The following CACNA1B variants were observed in gnomAD, a reference collection of about 807,000 sequenced individuals.
The protein encoded by CACNA1B is voltage-dependent N-type calcium channel subunit alpha-1B.
In CACNA1B, 70 loss-of-function variants were observed where a neutral mutation model predicts 247.2. The ratio of observed to expected loss-of-function variants is 0.28; its 90% CI spans 0.23 to 0.35. CACNA1B has a LOEUF of 0.35. Ranked by LOEUF, CACNA1B falls within the 10% of genes least tolerant of loss-of-function variation. The pLI, the probability that CACNA1B is intolerant of heterozygous loss-of-function variation, is 1.00. For missense variants in CACNA1B, 2,367 were observed against 3,197.4 expected, an observed-to-expected ratio of 0.74 and a Z score of 6.26; for synonymous variants, 1,231 against 1,294.4, an observed-to-expected ratio of 0.95 and a Z score of 1.05.
In CACNA1B at chr9:137,881,629, A is replaced by G. The variant is rs1367079011; in HGVS notation, c.391-1115A>G. Among the ~76,000 whole-genome samples the G allele has an allele frequency of 6.6e-6, 1 of 152,146 alleles. No homozygotes were observed. Among genetic ancestry groups the G allele is most frequent in the African/African-American group, 2.4e-5 (1 of 41,438 alleles). ...CGACACCCCCATGCCAACCCTGCAC[A>G]TGCAGCTCCCTCAGCCCAGCTTCCC... On this transcript the variant is annotated intron_variant, in intron 2 of 46. Coordinates refer to ENST00000371372, the MANE Select transcript of CACNA1B (RefSeq NM_000718.4). The surrounding 1 kb of genome is among the most constrained non-coding windows in gnomAD (Gnocchi z 4.3).
rs752643342 is a variant in CACNA1B, at chr9:138,102,257, G to A, written c.5223-454G>A. 1.1e-4 allele frequency among the ~76,000 whole-genome samples: 17 copies of A among 152,172 alleles called. No homozygotes were observed. The highest frequency in any genetic ancestry group is 2.2e-4 in the Non-Finnish European group (15 of 68,026). On this transcript the variant is annotated intron_variant, in intron 37 of 46. Coordinates refer to ENST00000371372, the MANE Select transcript of CACNA1B (RefSeq NM_000718.4). The surrounding 1 kb of genome is among the most constrained non-coding windows in gnomAD (Gnocchi z 5.4). Reference sequence around the variant, plus strand: ...CGTGAGGAAAGCTGATGTCTCTGCCGTGGTTCTCAGCCACTGCCTCATCTG... The same window carrying A: ...CGTGAGGAAAGCTGATGTCTCTGCCATGGTTCTCAGCCACTGCCTCATCTG...
chr9:138,068,755 A>T, intron 31 of CACNA1B: 1 of 434,606 alleles, frequency 2.3e-6, no homozygotes, highest in Non-Finnish European at 4.6e-6. Flanking sequence ...GAGAGGGCAC[A>T]AAGTGGAGGG....
rs1323748215 is a variant in CACNA1B at position 138,073,328 on chromosome 9, G to T, written c.4675-160G>T. Among the ~76,000 whole-genome samples the T allele has an allele frequency of 6.6e-6, 1 of 152,192 alleles. No individual in the cohort carries two copies. Among genetic ancestry groups the T allele is most frequent in the Non-Finnish European group, 1.5e-5 (1 of 68,030 alleles). On this transcript the variant is annotated intron_variant, in intron 32 of 46. Coordinates refer to ENST00000371372, the MANE Select transcript of CACNA1B (RefSeq NM_000718.4). The surrounding 1 kb of genome is among the most constrained non-coding windows in gnomAD (Gnocchi z 6.4). ...ACTTCTGGAAGATTTTCTGGTGGCC[G>T]ATTGCTGCTTAGACTGTGAAGCAGA...
chr9:138,023,891 G>T, intron 19 of CACNA1B, 80 bp downstream of exon 19: 3 of 729,430 alleles, frequency 4.1e-6, no homozygotes, highest in Non-Finnish European at 2.4e-6. Context: ...TGCGGCCATG[G>T]GGTCCACGGC....
intron 6 of CACNA1B, among the ~76,000 whole-genome samples, chr9:137,925,006 A>G (rs952546803): frequency 1.3e-5 from 2 of 152,226 alleles, no homozygotes; most frequent in Admixed American, 1.3e-4. Context: ...ATACTGGCAG[A>G]CATCCTTGTG....
rs1958418455 is a variant in CACNA1B, at chr9:137,990,393, TA to T, written c.1974+3540del. Among the ~76,000 whole-genome samples, 1 of 151,968 alleles carries T rather than the reference TA, an allele frequency of 6.6e-6. No homozygotes were observed. ...CACCCTGATGGCCGAAGACAAAGGTTATAATCTCCTGGGGGCTCTGTGGTCC... is the reference window on the plus strand; with the variant it reads ...CACCCTGATGGCCGAAGACAAAGGTTTAATCTCCTGGGGGCTCTGTGGTCC... On this transcript the variant is annotated intron_variant, in intron 15 of 46. Transcript: ENST00000371372. This position sits in a 1 kb window ranked among gnomAD's most constrained non-coding sequence, Gnocchi z 4.5.
chr9:138,034,573 T>C (rs1183077657), intron 20 of CACNA1B, among the ~76,000 whole-genome samples: 1 of 152,184 alleles, frequency 6.6e-6, no homozygotes, highest in East Asian at 1.9e-4. Flanking sequence ...GCTGGGTTTA[T>C]TGAGCCTTTA....
chr9:137,988,274 C>T (rs751230139), intron 15 of CACNA1B, among the ~76,000 whole-genome samples: 1 of 152,140 alleles, frequency 6.6e-6, no homozygotes, highest in Non-Finnish European at 1.5e-5. Context: ...AGCAAAGCAG[C>T]AAAAACGTGA....
chr9:137,971,338 G>A lies in CACNA1B; in HGVS notation c.1334-45G>A, dbSNP rs1430822836. 1 of 1,425,608 alleles carries A rather than the reference G, an allele frequency of 7.0e-7. No homozygotes were observed. The highest frequency in any genetic ancestry group is 1.9e-5 in the Admixed American group (1 of 52,954). 88.3% of individuals were successfully genotyped at this position (1,425,608 alleles called of 1,614,324 possible). ...GGGGGTCCACAGGTGGGGTAGGCGG[G>A]TGCCCATTGGTCCCCACATCCTCAG... is the stretch of plus-strand genomic sequence containing the variant. On this transcript the variant is annotated intron_variant, in intron 10 of 46. Transcript: ENST00000371372. This position sits in a 1 kb window ranked among gnomAD's most constrained non-coding sequence, Gnocchi z 4.4.
intron 18 of CACNA1B, among the ~76,000 whole-genome samples, chr9:138,016,312 C>G (rs1036335341): frequency 3.9e-5 from 6 of 152,246 alleles, no homozygotes; most frequent in African/African-American, 1.2e-4. Flanking sequence ...CTGCAGCCCA[C>G]CTGGCCCTCC....
chr9:137,916,030 ATTTTT>A (rs571447142), intron 5 of CACNA1B, among the ~76,000 whole-genome samples: 1 of 129,556 alleles, frequency 7.7e-6, no homozygotes, highest in Non-Finnish European at 1.6e-5. Flanking sequence ...TTGTTATACA[ATTTTT>A]TTTTTTTTTT....
intron 6 of CACNA1B, among the ~76,000 whole-genome samples, chr9:137,930,634 T>C (rs1957597443): frequency 6.6e-6 from 1 of 152,234 alleles, no homozygotes; most frequent in Non-Finnish European, 1.5e-5. Flanking sequence ...AGCTCTTTTA[T>C]ATCCTTGCTG....
In CACNA1B at chr9:138,072,758, T is replaced by C. The variant is rs895907902; in HGVS notation, c.4675-730T>C. 1.3e-5 allele frequency among the ~76,000 whole-genome samples: 2 copies of C among 152,164 alleles called. No individual in the cohort carries two copies. The highest frequency in any genetic ancestry group is 1.5e-5 in the Non-Finnish European group (1 of 68,032). On this transcript the variant is annotated intron_variant, in intron 32 of 46. Coordinates refer to ENST00000371372, the MANE Select transcript of CACNA1B (RefSeq NM_000718.4). This position sits in a 1 kb window ranked among gnomAD's most constrained non-coding sequence, Gnocchi z 4.5. ...CTTTACTGCCAGGTAATCTGTGGAG[T>C]CCCAGGTTTATCCATTTATCATTGT... is the stretch of plus-strand genomic sequence containing the variant.
intron 12 of CACNA1B, among the ~76,000 whole-genome samples, chr9:137,976,328 G>A (rs1297596373): frequency 6.6e-6 from 1 of 152,226 alleles, no homozygotes; most frequent in African/African-American, 2.4e-5. Context: ...CTGGGATCTC[G>A]CAAACCTGTG....
Position 138,011,040 on chromosome 9 carries a change from C to T in CACNA1B, c.2160+963C>T, listed in dbSNP as rs1958717780. Among the ~76,000 whole-genome samples, 2 of 152,222 alleles carry T rather than the reference C, an allele frequency of 1.3e-5. No individual in the cohort carries two copies. The highest frequency in any genetic ancestry group is 2.4e-5 in the African/African-American group (1 of 41,462). ...CAGCCTGAGCCTCCCTTTGCTTCTG[C>T]TCAGCCTTCTTACTCCCACGCCTCC... On this transcript the variant is annotated intron_variant, in intron 17 of 46. Coordinates refer to ENST00000371372, the MANE Select transcript of CACNA1B (RefSeq NM_000718.4). The surrounding 1 kb of genome is among the most constrained non-coding windows in gnomAD (Gnocchi z 4.2).
chr9:137,903,564 C>A (rs964035553), intron 3 of CACNA1B, among the ~76,000 whole-genome samples: 2 of 152,100 alleles, frequency 1.3e-5, no homozygotes, highest in South Asian at 2.1e-4. Flanking sequence ...CATTTTTTAA[C>A]GTTTTGCCTA....
At position 138,072,312 on chromosome 9, in the gene CACNA1B, G is replaced by A. The variant is rs1050676006; in HGVS notation, c.4675-1176G>A. On this transcript the variant is annotated intron_variant, in intron 32 of 46. Transcript: ENST00000371372. This position sits in a 1 kb window ranked among gnomAD's most constrained non-coding sequence, Gnocchi z 4.5. ...ACCTAGGCAGAGGTGTCCTCAGTAC[G>A]GGTTGGGCCACTGTCCCTGGAAGGA... is the stretch of plus-strand genomic sequence containing the variant. Among the ~76,000 whole-genome samples the A allele has an allele frequency of 7.9e-5, 12 of 152,152 alleles. No individual in the cohort carries two copies. The highest frequency in any genetic ancestry group is 2.9e-4 in the African/African-American group (12 of 41,426).
At chr9:137,931,812 A>T (rs1323919074) in intron 6 of CACNA1B, among the ~76,000 whole-genome samples, 2 of 152,066 alleles carry the variant, frequency 1.3e-5, no homozygotes, top group East Asian at 3.9e-4. Flanking sequence ...AGAGGAAATG[A>T]ATTTGTTTAA....
At chr9:137,956,220 C>T (rs569039938) in intron 8 of CACNA1B, among the ~76,000 whole-genome samples, 3 of 152,336 alleles carry the variant, frequency 2.0e-5, no homozygotes, top group Admixed American at 6.5e-5. Flanking sequence ...GAGATGAACT[C>T]GCCTGTGGCA....
Sources: allele counts gnomAD v4.1 joint callset (sites outside exome capture counted in the v4.1 genomes callset), GRCh38; gene constraint gnomAD v4.1.1; non-coding constraint Gnocchi (gnomAD v3.1); transcripts MANE v1.5; gene names NCBI Gene and HGNC (gene_info 2026-07-23, HGNC 2026-07-21).